TMEM169: variants seen among roughly 807,000 people sequenced by gnomAD.
The protein encoded by TMEM169 is transmembrane protein 169.
A neutral mutation model predicts 27.3 loss-of-function variants in TMEM169; 18 were observed. The observed-to-expected ratio is 0.66, with a 90% CI of 0.46 to 0.98. The LOEUF (loss-of-function observed/expected upper bound fraction) is 0.98, where lower values mean the gene tolerates loss of function less well. Ranked by LOEUF, TMEM169 falls within the 50% of genes least tolerant of loss-of-function variation. The pLI, the probability that TMEM169 is intolerant of heterozygous loss-of-function variation, is 0.00. For missense variants in TMEM169, 320 were observed against 368.6 expected (o/e 0.87, Z 1.08); for synonymous variants, 136 against 142.1 (o/e 0.96, Z 0.30).
chr2:216,097,794 C>T (rs755978029), intron 2 of TMEM169, among the ~76,000 whole-genome samples: 1 of 152,062 alleles, frequency 6.6e-6, no homozygotes, highest in Non-Finnish European at 1.5e-5. Flanking sequence ...GATGACAAAA[C>T]CATGCTGATG....
intron 1 of TMEM169, among the ~76,000 whole-genome samples, chr2:216,083,808 G>A (rs1695931351): frequency 6.6e-6 from 1 of 152,200 alleles, no homozygotes; most frequent in Admixed American, 6.5e-5. Flanking sequence ...TTTAAAATTA[G>A]GAGGCATGAT....
intron 1 of TMEM169, among the ~76,000 whole-genome samples, chr2:216,093,768 A>C (rs1374198701): frequency 6.7e-6 from 1 of 148,374 alleles, no homozygotes; most frequent in East Asian, 2.0e-4. Context: ...ATTGAGCTTA[A>C]AATTTACCTA....
chr2:216,094,957 A>G (rs931328624), intron 1 of TMEM169, among the ~76,000 whole-genome samples: 2 of 152,162 alleles, frequency 1.3e-5, no homozygotes, highest in Non-Finnish European at 2.9e-5. Context: ...TTTCCTTTAC[A>G]GAATAGCAAG....
At chr2:216,089,579 C>G (rs1420601370) in intron 1 of TMEM169, among the ~76,000 whole-genome samples, 2 of 152,214 alleles carry the variant, frequency 1.3e-5, no homozygotes, top group Non-Finnish European at 2.9e-5. Context: ...GCCTCAGCCT[C>G]CTGAGTAGCT....
At chr2:216,085,686 C>A (rs1053830443) in intron 1 of TMEM169, among the ~76,000 whole-genome samples, 3 of 152,086 alleles carry the variant, frequency 2.0e-5, no homozygotes, top group African/African-American at 4.8e-5. Context: ...GCCTGACCAA[C>A]ATGGAGAAAC....
At chr2:216,086,644 A>G (rs1402987495) in intron 1 of TMEM169, among the ~76,000 whole-genome samples, 1 of 152,226 alleles carries the variant, frequency 6.6e-6, no homozygotes, top group Non-Finnish European at 1.5e-5. Flanking sequence ...TATTTCTGGT[A>G]AGACATTTTC....
At position 216,081,972 on chromosome 2, in the gene TMEM169, AG is replaced by A; in HGVS notation, c.-132del. 1 of 531,564 alleles carries A rather than the reference AG, an allele frequency of 1.9e-6. No homozygotes were observed. The highest frequency in any genetic ancestry group is 2.1e-5 in the South Asian group (1 of 47,110). The allele number at this position is 531,564 out of a possible 1,614,324, so 32.9% of individuals were successfully genotyped here. ...CCTCCGCCAGCGTCGGTCCCTGGGC[AG>A]GTGTGGGTGAGACTGCTCGTTCGTT... On this transcript the variant is annotated 5_prime_UTR_variant, in exon 1 of 3. Coordinates refer to ENST00000437356, the MANE Select transcript of TMEM169 (RefSeq NM_001142311.2).
At chr2:216,098,949 A>G (rs1696323760) in intron 2 of TMEM169, among the ~76,000 whole-genome samples, 1 of 149,052 alleles carries the variant, frequency 6.7e-6, no homozygotes, top group Non-Finnish European at 1.5e-5. Context: ...TAGAATGTGT[A>G]TATATGTGGT....
At chr2:216,088,980 C>T (rs1696069335) in intron 1 of TMEM169, among the ~76,000 whole-genome samples, 1 of 152,106 alleles carries the variant, frequency 6.6e-6, no homozygotes, top group African/African-American at 2.4e-5. Flanking sequence ...GCGTTCTTGG[C>T]ATAGAAGTGG....
At chr2:216,097,748 TAA>T (rs1696296529) in intron 2 of TMEM169, among the ~76,000 whole-genome samples, 1 of 152,022 alleles carries the variant, frequency 6.6e-6, no homozygotes, top group Non-Finnish European at 1.5e-5. Context: ...AGTCAACAAA[TAA>T]AAGATACTTT....
At chr2:216,083,978 G>A (rs1375545033) in intron 1 of TMEM169, among the ~76,000 whole-genome samples, 1 of 152,152 alleles carries the variant, frequency 6.6e-6, no homozygotes, top group East Asian at 1.9e-4. Flanking sequence ...CTCTTCCGAA[G>A]GCAACCACGC....
At chr2:216,091,205 GATGGCATTAGGTGAGGCTTT>G (rs1696113848) in intron 1 of TMEM169, among the ~76,000 whole-genome samples, 1 of 152,156 alleles carries the variant, frequency 6.6e-6, no homozygotes, top group Admixed American at 6.6e-5. Flanking sequence ...CCCCCAAAGT[GATGGCATTAGGTGAGGCTTT>G]ATGTCATGAC....
chr2:216,099,358 T>C lies in TMEM169; in HGVS notation c.272-562T>C, dbSNP rs954698231. On this transcript the variant is annotated intron_variant, in intron 2 of 2. Coordinates refer to ENST00000437356, the MANE Select transcript of TMEM169 (RefSeq NM_001142311.2). This position sits in a 1 kb window ranked among gnomAD's most constrained non-coding sequence, Gnocchi z 5.0. ...TTGGGAGGTGGCATGTGTATGTGTG[T>C]GTATGGTGTGTATGTAGTATGTGAG... Among the ~76,000 whole-genome samples the C allele has an allele frequency of 6.6e-6, 1 of 151,700 alleles. No individual in the cohort carries two copies. The highest frequency in any genetic ancestry group is 1.5e-5 in the Non-Finnish European group (1 of 67,882).
At chr2:216,088,575 A>G (rs796137340) in intron 1 of TMEM169, among the ~76,000 whole-genome samples, 4 of 151,996 alleles carry the variant, frequency 2.6e-5, no homozygotes, top group African/African-American at 9.6e-5. Context: ...GTTGCACATG[A>G]CTGTAGTCCC....
rs759772253 is a variant in TMEM169 at position 216,096,076 on chromosome 2, G to C, written c.113G>C (p.Gly38Ala). 1.2e-6 allele frequency: 2 copies of C among 1,614,174 alleles called. No individual in the cohort carries two copies. The highest frequency in any genetic ancestry group is 1.7e-6 in the Non-Finnish European group (2 of 1,180,038). ...GCGCTGGATGGGGAATCCACAATGG[G>C]GCACAGGAAAAAGAAGAGGAAAGAG... ...ALALDGESTM[G>A]HRKKKRKESR... Residue 38 changes from glycine to alanine, a missense_variant, in exon 2 of 3, where the codon GGG becomes GCG. By Grantham distance (60) the Gly-to-Ala change is moderately conservative. Transcript: ENST00000437356.
Position 216,099,624 on chromosome 2 carries a change from T to C in TMEM169, c.272-296T>C, listed in dbSNP as rs1696340211. On this transcript the variant is annotated intron_variant, in intron 2 of 2. Coordinates refer to ENST00000437356, the MANE Select transcript of TMEM169 (RefSeq NM_001142311.2). This position sits in a 1 kb window ranked among gnomAD's most constrained non-coding sequence, Gnocchi z 5.0. ...GTCACACTCCTCCGTGCCACAGAGA[T>C]TGTGCCAAGATTGAGGCCCCAAAAA... 6.6e-6 allele frequency among the ~76,000 whole-genome samples: 1 copy of C among 152,038 alleles called. No individual in the cohort carries two copies. The highest frequency in any genetic ancestry group is 1.5e-5 in the Non-Finnish European group (1 of 67,988).
intron 1 of TMEM169, among the ~76,000 whole-genome samples, chr2:216,083,817 A>G (rs775349661): frequency 1.3e-5 from 2 of 152,170 alleles, no homozygotes; most frequent in Non-Finnish European, 2.9e-5. Flanking sequence ...AGGAGGCATG[A>G]TCTCTTTGCC....
In TMEM169 at chr2:216,095,935, A is replaced by G. The variant is rs1696251513; in HGVS notation, c.-29A>G. 1.3e-6 allele frequency: 2 copies of G among 1,595,170 alleles called. No individual in the cohort carries two copies. The highest frequency in any genetic ancestry group is 1.4e-5 in the African/African-American group (1 of 73,970). ...TTTACTCAAACAAGTCCAACTCTTT[A>G]TAAGACATAGGTAGACGTCAGGTCT... On this transcript the variant is annotated 5_prime_UTR_variant, in exon 2 of 3. Transcript: ENST00000437356.
chr2:216,092,246 G>A (rs1472047274), intron 1 of TMEM169, among the ~76,000 whole-genome samples: 1 of 152,100 alleles, frequency 6.6e-6, no homozygotes, highest in East Asian at 1.9e-4. Flanking sequence ...ACTATTTTCT[G>A]TACTAGTCTG....
Sources: gnomAD v4.1 joint callset for allele counts (sites outside exome capture counted in the v4.1 genomes callset) on GRCh38, gnomAD v4.1.1 for gene constraint, Gnocchi (gnomAD v3.1) non-coding constraint, MANE v1.5 for transcripts, NCBI Gene and HGNC (gene_info 2026-07-23, HGNC 2026-07-21) for gene names.